The following RANBP17 variants were observed in gnomAD, a reference collection of about 807,000 sequenced individuals.
RANBP17 encodes the protein ran-binding protein 17.
A neutral mutation model predicts 141.2 loss-of-function variants in RANBP17; 158 were observed. The observed-to-expected ratio is 1.12, with a 90% CI of 0.98 to 1.28. The LOEUF is 1.28. Among genes scored for constraint, RANBP17 ranks in the 50% most tolerant of loss-of-function variants. RANBP17 has a pLI of 0.00. For synonymous variants in RANBP17, 430 were observed against 450.0 expected, an observed-to-expected ratio of 0.96 and a Z score of 0.56; for missense variants, 1,438 against 1,290.7, an observed-to-expected ratio of 1.11 and a Z score of -1.75.
chr5:171,084,283 A>G (rs1785477754), intron 14 of RANBP17, among the ~76,000 whole-genome samples: 1 of 148,542 alleles, frequency 6.7e-6, no homozygotes, highest in African/African-American at 2.5e-5. Context: ...CCTACAAAGG[A>G]CATGAACTCA....
chr5:171,194,550 A>G (rs1363859709), intron 18 of RANBP17, among the ~76,000 whole-genome samples: 2 of 152,172 alleles, frequency 1.3e-5, no homozygotes, highest in Non-Finnish European at 2.9e-5. Flanking sequence ...GTTCCTTTTT[A>G]TGGCTGAATA....
intron 18 of RANBP17, among the ~76,000 whole-genome samples, chr5:171,192,333 C>T (rs1287243636): frequency 6.6e-6 from 1 of 152,130 alleles, no homozygotes; most frequent in East Asian, 1.9e-4. Context: ...CAGAAAGCAG[C>T]CCATTAAGTC....
chr5:171,231,454 A>C (rs774025659), intron 22 of RANBP17, among the ~76,000 whole-genome samples: 2 of 152,164 alleles, frequency 1.3e-5, no homozygotes, highest in South Asian at 4.1e-4. Context: ...TATACGTAGG[A>C]TCCTTGCCAT....
intron 14 of RANBP17, among the ~76,000 whole-genome samples, chr5:171,055,880 CA>C (rs72488636): frequency 5.0e-3 from 126 of 25,096 alleles, no homozygotes; most frequent in Admixed American, 0.012. Context: ...GTCCTGTTGC[CA>C]AAAAAAAAAA....
At chr5:170,880,549 A>G (rs1768573570) in intron 2 of RANBP17, among the ~76,000 whole-genome samples, 1 of 152,198 alleles carries the variant, frequency 6.6e-6, no homozygotes, top group Admixed American at 6.5e-5. Flanking sequence ...ATTTGTAAAG[A>G]CAGTCTACTA....
chr5:171,026,637 C>T (rs1581433677), intron 14 of RANBP17, among the ~76,000 whole-genome samples: 2 of 152,078 alleles, frequency 1.3e-5, no homozygotes, highest in South Asian at 4.1e-4. Context: ...TCTGTGAAAT[C>T]GTGAAGGAGT....
chr5:171,275,989 C>T lies in RANBP17; in HGVS notation c.2943+10142C>T, dbSNP rs574129859. The stretch of plus-strand genomic sequence containing the variant: ...CTACTGGTTTATGTAGCCTTTAGGC[C>T]GGCACCAGAAACAATCACTCCTACA... On this transcript the variant is annotated intron_variant, in intron 25 of 27. Transcript: ENST00000523189. 7.4e-4 allele frequency among the ~76,000 whole-genome samples: 113 copies of T among 152,250 alleles called. No individual in the cohort carries two copies. The South Asian group carries it at 0.016, about 22-fold the overall frequency.
intron 14 of RANBP17, among the ~76,000 whole-genome samples, chr5:170,972,268 G>C (rs1031896457): frequency 7.1e-6 from 1 of 141,638 alleles, no homozygotes; most frequent in Non-Finnish European, 1.5e-5. Context: ...TGCAACCTCC[G>C]CTTCCCAGGT....
chr5:170,919,917 T>C (rs1024714994), intron 11 of RANBP17, among the ~76,000 whole-genome samples: 2 of 152,158 alleles, frequency 1.3e-5, no homozygotes, highest in African/African-American at 4.8e-5. Context: ...AATGAAATTA[T>C]ACAGTATGCA....
chr5:171,296,945 T>C (rs1384287716), intron 27 of RANBP17, among the ~76,000 whole-genome samples: 3 of 152,152 alleles, frequency 2.0e-5, no homozygotes, highest in Non-Finnish European at 4.4e-5. Context: ...AATTAAAAGT[T>C]TTTAAAGATA....
intron 25 of RANBP17, among the ~76,000 whole-genome samples, chr5:171,283,845 T>C (rs1349582967): frequency 2.0e-5 from 3 of 152,228 alleles, no homozygotes; most frequent in Non-Finnish European, 4.4e-5. Context: ...CAGCTCTTTC[T>C]CCGCATCTCT....
At chr5:171,017,516 T>A (rs1451822189) in intron 14 of RANBP17, among the ~76,000 whole-genome samples, 1 of 152,142 alleles carries the variant, frequency 6.6e-6, no homozygotes, top group African/African-American at 2.4e-5. Flanking sequence ...GATGTTAAGT[T>A]TTTTTCCATA....
intron 7 of RANBP17, among the ~76,000 whole-genome samples, chr5:170,913,616 G>T (rs1191110672): frequency 6.6e-6 from 1 of 152,066 alleles, no homozygotes; most frequent in East Asian, 1.9e-4. Flanking sequence ...GGGTTTTTGA[G>T]AGGATTGATT....
intron 14 of RANBP17, among the ~76,000 whole-genome samples, chr5:170,997,873 A>T (rs1207360526): frequency 6.6e-6 from 1 of 152,168 alleles, no homozygotes; most frequent in African/African-American, 2.4e-5. Context: ...TTTAGTTCTC[A>T]TGACACAGAG....
chr5:170,863,099 TACTCTCAGGGA>T (rs60964262), intron 1 of RANBP17, among the ~76,000 whole-genome samples: 2,731 of 152,292 alleles, frequency 0.018, 81 homozygotes, highest in African/African-American at 0.06. Flanking sequence ...CTATGGTTTC[TACTCTCAGGGA>T]ACTTGCAGTC....
intron 14 of RANBP17, among the ~76,000 whole-genome samples, chr5:171,097,281 A>G (rs1214788652): frequency 6.6e-6 from 1 of 152,142 alleles, no homozygotes; most frequent in African/African-American, 2.4e-5. Context: ...CTCATTGAGA[A>G]AACACAGGAG....
intron 25 of RANBP17, among the ~76,000 whole-genome samples, chr5:171,272,247 C>T (rs910124366): frequency 2.6e-5 from 4 of 152,108 alleles, no homozygotes; most frequent in Non-Finnish European, 5.9e-5. Flanking sequence ...GGGTACTGTG[C>T]TTATTACCTG....
chr5:171,098,117 A>G lies in RANBP17; in HGVS notation c.1711-72013A>G, dbSNP rs770787921. Among the ~76,000 whole-genome samples, 6 of 152,280 alleles carry G rather than the reference A, an allele frequency of 3.9e-5. No individual in the cohort carries two copies. The South Asian group carries it at 8.3e-4, about 21-fold the overall frequency. Reference sequence around the variant, plus strand: ...AACATACGTATGCATGTGTCCTTATACTAGAATGATTTATAATCCTTTGGG... The same window carrying G: ...AACATACGTATGCATGTGTCCTTATGCTAGAATGATTTATAATCCTTTGGG... On this transcript the variant is annotated intron_variant, in intron 14 of 27. Coordinates refer to ENST00000523189, the MANE Select transcript of RANBP17 (RefSeq NM_022897.5).
At position 170,918,821 on chromosome 5, in the gene RANBP17, A is replaced by G. The variant is rs1772193016; in HGVS notation, c.1063A>G (p.Ile355Val). The change falls in exon 10 of 28, where the codon ATT (isoleucine) becomes GTT (valine). Residue 355 changes from isoleucine to valine, a missense_variant. Ile to Val is a conservative substitution (Grantham distance 29, BLOSUM62 3). Coordinates refer to ENST00000523189, the MANE Select transcript of RANBP17 (RefSeq NM_022897.5). ...TATGGTGAAGGAATATCCTGAAGTT[A>G]TTAGATTGATTGCTAATTTTACCAT... Reference protein sequence around the residue: ...LVMVKEYPEVIRLIANFTITS... With the variant: ...LVMVKEYPEVVRLIANFTITS... The G allele has an allele frequency of 1.3e-6, 2 of 1,588,138 alleles. No homozygotes were observed. Among genetic ancestry groups the G allele is most frequent in the Non-Finnish European group, 1.7e-6 (2 of 1,165,710 alleles).
Sources: gnomAD v4.1 joint callset for allele counts (sites outside exome capture counted in the v4.1 genomes callset) on GRCh38, gnomAD v4.1.1 for gene constraint, MANE v1.5 for transcripts, NCBI Gene and HGNC (gene_info 2026-07-23, HGNC 2026-07-21) for gene names.